Variants in RAPGEF2 observed in about 807,000 individuals in gnomAD.
The protein encoded by RAPGEF2 is PDZ domain containing guanine nucleotide exchange factor (GEF) 1.
A neutral mutation model predicts 186.7 loss-of-function variants in RAPGEF2; 54 were observed. That is an observed-to-expected ratio of 0.29 (90% CI 0.23 to 0.36). RAPGEF2 has a LOEUF of 0.36. RAPGEF2 is among the 10% of genes least tolerant of loss of function. The pLI, the probability that RAPGEF2 is intolerant of heterozygous loss-of-function variation, is 1.00. For synonymous variants in RAPGEF2, 712 were observed against 705.9 expected (o/e 1.01, Z -0.14); for missense variants, 1,532 against 2,045.0 (o/e 0.75, Z 4.84).
At chr4:159,163,228 T>C (rs908090657) in intron 1 of RAPGEF2, among the ~76,000 whole-genome samples, 4 of 152,230 alleles carry the variant, frequency 2.6e-5, no homozygotes, top group African/African-American at 9.6e-5. Context: ...ATTATTATTT[T>C]ACCTATTTTA....
At chr4:159,304,501 C>T in intron 8 of RAPGEF2, 28 bp downstream of exon 8, 1 of 1,574,368 alleles carries the variant, frequency 6.4e-7, no homozygotes, top group Non-Finnish European at 8.7e-7. Flanking sequence ...TTGTCATTTG[C>T]TTCATTTTCA....
chr4:159,198,260 CTCTTTCTTTCCTTCTT>C lies in RAPGEF2; in HGVS notation c.197+5015_197+5030del, dbSNP rs1422449996. The stretch of plus-strand genomic sequence containing the variant: ...TCTTTCTTTCTTCCTTTCTTTCTTT[CTCTTTCTTTCCTTCTT>C]TCTTTCTTTCTTTCTTTCTTTCTTT... On this transcript the variant is annotated intron_variant, in intron 3 of 29. Coordinates refer to ENST00000691494, the MANE Select transcript of RAPGEF2 (RefSeq NM_001394067.2). Among the ~76,000 whole-genome samples, 4 of 64,152 alleles carry C rather than the reference CTCTTTCTTTCCTTCTT, an allele frequency of 6.2e-5. 1 individual carries two copies. Among genetic ancestry groups the C allele is most frequent in the Admixed American group, 1.5e-4 (1 of 6,550 alleles). 42.1% of individuals were successfully genotyped at this position (64,152 alleles called of 152,430 possible). A position where few individuals can be genotyped will look rare whatever the true frequency, so the allele number is the denominator to read the frequency against.
chr4:159,340,459 G>A (rs1372691028), intron 19 of RAPGEF2, among the ~76,000 whole-genome samples: 1 of 152,024 alleles, frequency 6.6e-6, no homozygotes, highest in East Asian at 1.9e-4. Context: ...GGCTTCATGA[G>A]TAATCAAAAT....
At chr4:159,308,752 T>C (rs1049127625) in intron 8 of RAPGEF2, among the ~76,000 whole-genome samples, 12 of 152,188 alleles carry the variant, frequency 7.9e-5, no homozygotes, top group Non-Finnish European at 1.3e-4. Context: ...ATTACTAACC[T>C]TAAGAGAAGA....
chr4:159,333,667 C>T (rs1767002488), intron 17 of RAPGEF2, among the ~76,000 whole-genome samples: 1 of 152,144 alleles, frequency 6.6e-6, no homozygotes, highest in African/African-American at 2.4e-5. Flanking sequence ...TGCTTCTTTG[C>T]TTGCTTGCTT....
At chr4:159,109,794 A>G (rs993632961) in intron 1 of RAPGEF2, among the ~76,000 whole-genome samples, 1 of 152,206 alleles carries the variant, frequency 6.6e-6, no homozygotes, top group African/African-American at 2.4e-5. Context: ...AGATTGACCT[A>G]CTGTCATATG....
rs1342919399 is a variant in RAPGEF2 at position 159,117,446 on chromosome 4, C to G, written c.69+13215C>G. ...CTTAAGTTGGAATGGGTGAGAATTCCTATCTTGATTCTATTTTCTCTGGTG... is the reference window on the plus strand; with the variant it reads ...CTTAAGTTGGAATGGGTGAGAATTCGTATCTTGATTCTATTTTCTCTGGTG... On this transcript the variant is annotated intron_variant, in intron 1 of 29. Transcript: ENST00000691494. Among the ~76,000 whole-genome samples, 4 of 152,166 alleles carry G rather than the reference C, an allele frequency of 2.6e-5. No individual in the cohort carries two copies. In the East Asian group the frequency reaches 5.8e-4, roughly 22 times the overall value.
chr4:159,256,788 AATG>A (rs1210619697), intron 7 of RAPGEF2, among the ~76,000 whole-genome samples: 2 of 152,056 alleles, frequency 1.3e-5, no homozygotes, highest in Non-Finnish European at 2.9e-5. Context: ...GAATTTCTCT[AATG>A]ATCAGTGATG....
chr4:159,106,058 A>T (rs1467195924), intron 1 of RAPGEF2, among the ~76,000 whole-genome samples: 1 of 152,224 alleles, frequency 6.6e-6, no homozygotes, highest in African/African-American at 2.4e-5. Context: ...TGAACTGTTA[A>T]ACTTTCCTGT....
intron 1 of RAPGEF2, 107 bp downstream of exon 1, chr4:159,104,338 A>G (rs1209012210): frequency 2.3e-6 from 1 of 427,918 alleles, no homozygotes; most frequent in Non-Finnish European, 4.2e-6. Flanking sequence ...CGAGCACCCC[A>G]CTTCTTGCAT....
chr4:159,334,348 A>G (rs1010199287), intron 17 of RAPGEF2, among the ~76,000 whole-genome samples: 3 of 152,152 alleles, frequency 2.0e-5, no homozygotes, highest in African/African-American at 7.2e-5. Context: ...TCCTGAGCTC[A>G]AGCAATTCTC....
chr4:159,330,277 G>GTT, intron 12 of RAPGEF2, 57 bp from the exon 13 acceptor site: 1 of 811,594 alleles, frequency 1.2e-6, no homozygotes, highest in South Asian at 1.7e-5. Context: ...GTGTGTGTGT[G>GTT]TGTGTGTGTG....
Position 159,304,355 on chromosome 4 carries a change from T to A in RAPGEF2, c.557T>A (p.Phe186Tyr). 1 of 1,605,872 alleles carries A rather than the reference T, an allele frequency of 6.2e-7. No individual in the cohort carries two copies. The highest frequency in any genetic ancestry group is 8.5e-7 in the Non-Finnish European group (1 of 1,173,742). ...CTCCTTCCATAGCTTCCTGCAGATT[T>A]CACAAAACTGCATCTTACTGACAGT... ...ECTKSQLPAD[F>Y]TKLHLTDSLH... The change falls in exon 8 of 30, where the codon TTC becomes TAC. Residue 186 changes from phenylalanine (F) to tyrosine (Y), a missense_variant. Phe to Tyr is a conservative substitution (Grantham distance 22, BLOSUM62 3). Around this residue, in one of 4 missense-constraint regions of RAPGEF2, gnomAD observed 810 missense variants for 1,210.5 expected, o/e 0.67. Transcript: ENST00000691494.
At chr4:159,301,530 T>C (rs999678915) in intron 7 of RAPGEF2, among the ~76,000 whole-genome samples, 1 of 152,200 alleles carries the variant, frequency 6.6e-6, no homozygotes, top group Non-Finnish European at 1.5e-5. Flanking sequence ...TATATCATTA[T>C]TTCATGCCAT....
chr4:159,325,823 A>AT (rs761146211), intron 11 of RAPGEF2, among the ~76,000 whole-genome samples: 60 of 152,300 alleles, frequency 3.9e-4, no homozygotes, highest in South Asian at 1.9e-3. Context: ...AGGAAGAGGA[A>AT]GTAGGGGTTA....
intron 1 of RAPGEF2, among the ~76,000 whole-genome samples, chr4:159,147,110 T>G (rs933656177): frequency 6.6e-5 from 10 of 152,230 alleles, no homozygotes; most frequent in Non-Finnish European, 8.8e-5. Flanking sequence ...TTTTTTATTT[T>G]CCACTTTACC....
chr4:159,269,513 G>A (rs750290984), intron 7 of RAPGEF2, among the ~76,000 whole-genome samples: 1 of 152,108 alleles, frequency 6.6e-6, no homozygotes, highest in Non-Finnish European at 1.5e-5. Context: ...TTTTCTTAAC[G>A]GGGCCTTTGA....
intron 23 of RAPGEF2, 118 bp downstream of exon 23, chr4:159,344,177 G>C: frequency 1.9e-6 from 2 of 1,063,778 alleles, no homozygotes; most frequent in South Asian, 2.8e-5. Context: ...CTTAACCCTC[G>C]TGCTGTAGCA....
intron 4 of RAPGEF2, among the ~76,000 whole-genome samples, chr4:159,212,157 G>T (rs1204626986): frequency 6.6e-6 from 1 of 152,126 alleles, no homozygotes; most frequent in Admixed American, 6.5e-5. Flanking sequence ...TGCCTAGAAA[G>T]CCTAGAGTGA....
Sources: gnomAD v4.1 joint callset for allele counts (sites outside exome capture counted in the v4.1 genomes callset) on GRCh38, gnomAD v4.1.1 for gene constraint, gnomAD v4.1.1 regional missense constraint, MANE v1.5 for transcripts, NCBI Gene and HGNC (gene_info 2026-07-23, HGNC 2026-07-21) for gene names.